The following SLC35H1 variants were observed in gnomAD, a reference collection of about 807,000 sequenced individuals.
The protein encoded by SLC35H1 is solute carrier family 35 member H1.
At chr20:46,363,528 TATG>T in the SLC35H1 span, among the ~76,000 whole-genome samples, 1 of 152,250 alleles carries the variant, frequency 6.6e-6, no homozygotes, top group African/African-American at 2.4e-5. Flanking sequence ...ACCAAAAATC[TATG>T]ATGAAGTCAT....
the SLC35H1 span, chr20:46,350,805 G>T: frequency 1.2e-6 from 2 of 1,614,096 alleles, no homozygotes; most frequent in Non-Finnish European, 1.7e-6. Context: ...GGATATTCCC[G>T]AGAGGCAGAG....
At chr20:46,354,876 A>G in the SLC35H1 span, 15 of 1,591,500 alleles carry the variant, frequency 9.4e-6, no homozygotes, top group African/African-American at 1.3e-5. Flanking sequence ...GGAAGGCCCA[A>G]CGTACCTTCA....
chr20:46,357,475 G>T, the SLC35H1 span: 1 of 950,484 alleles, frequency 1.1e-6, no homozygotes, highest in Non-Finnish European at 1.6e-6. Context: ...CGTGGGTGGT[G>T]GGAGGCCAGG....
chr20:46,347,895 G>A, the SLC35H1 span: 1 of 152,272 alleles, frequency 6.6e-6, no homozygotes, highest in Non-Finnish European at 1.5e-5. Context: ...TGGGAGAGGT[G>A]GTGGGCAGGT....
the SLC35H1 span, chr20:46,362,938 G>C: frequency 6.6e-6 from 1 of 152,264 alleles, no homozygotes; most frequent in South Asian, 2.1e-4. Flanking sequence ...GGCTAATTTT[G>C]TATTTTTAGT....
At chr20:46,346,986 CCTCCT>C in the SLC35H1 span, 1 of 152,336 alleles carries the variant, frequency 6.6e-6, no homozygotes, top group Non-Finnish European at 1.5e-5. Flanking sequence ...AACGCTGGCT[CCTCCT>C]CTCATCTGGG....
chr20:46,356,655 C>T, the SLC35H1 span: 1 of 1,612,342 alleles, frequency 6.2e-7, no homozygotes, highest in Non-Finnish European at 8.5e-7. Flanking sequence ...GACACAGGCA[C>T]CCACAGGACA....
the SLC35H1 span, chr20:46,348,570 CCGCTTCCAAGCGCCCTTGGTGCT>C: frequency 6.6e-6 from 1 of 152,272 alleles, no homozygotes; most frequent in Non-Finnish European, 1.5e-5. Context: ...AGATAAGAGG[CCGCTTCCAAGCGCCCTTGGTGCT>C]CCACCTCCGC....
chr20:46,349,714 G>A, the SLC35H1 span: 2 of 152,500 alleles, frequency 1.3e-5, no homozygotes, highest in Non-Finnish European at 2.9e-5. Flanking sequence ...GTGAAAACAT[G>A]TAAGGTCTCC....
At chr20:46,358,672 C>T in the SLC35H1 span, 1 of 1,551,676 alleles carries the variant, frequency 6.4e-7, no homozygotes, top group Non-Finnish European at 8.7e-7. Context: ...ATCAGCAGAG[C>T]CCCAGGCAGA....
the SLC35H1 span, among the ~76,000 whole-genome samples, chr20:46,360,240 C>T: frequency 7.9e-5 from 12 of 152,138 alleles, no homozygotes; most frequent in East Asian, 1.9e-4. Flanking sequence ...AAGAATAAGA[C>T]GCCTATGTAC....
the SLC35H1 span, chr20:46,350,898 C>T: frequency 6.2e-7 from 1 of 1,613,572 alleles, no homozygotes; most frequent in South Asian, 1.1e-5. Context: ...TTCCTGGGGG[C>T]AGAGAAGCAG....
At chr20:46,352,388 C>G in the SLC35H1 span, 1 of 664,566 alleles carries the variant, frequency 1.5e-6, no homozygotes. Flanking sequence ...AAAGTGATCC[C>G]ACACAGATGG....
the SLC35H1 span, chr20:46,355,211 TGAG>T: frequency 6.2e-6 from 10 of 1,613,844 alleles, no homozygotes; most frequent in Middle Eastern, 1.6e-4. The surrounding 1 kb of genome is among the most constrained non-coding windows in gnomAD (Gnocchi z 4.8). Flanking sequence ...CCCCCGGCGA[TGAG>T]GAGGACCACC....
chr20:46,355,544 C>T, the SLC35H1 span, among the ~76,000 whole-genome samples: 6 of 152,204 alleles, frequency 3.9e-5, no homozygotes, highest in Admixed American at 6.5e-5. The surrounding 1 kb of genome is among the most constrained non-coding windows in gnomAD (Gnocchi z 4.8). Context: ...CCTCCCACAG[C>T]AGGGTGCTTC....
chr20:46,362,764 GTC>G, the SLC35H1 span, among the ~76,000 whole-genome samples: 3 of 152,276 alleles, frequency 2.0e-5, 1 homozygote, highest in South Asian at 6.2e-4. Context: ...CGAAGGCTTA[GTC>G]TCTATTCTTT....
At chr20:46,351,002 T>G in the SLC35H1 span, 1,385,362 of 1,386,784 alleles carry the variant, frequency 1, 691,978 homozygotes, top group Middle Eastern at 1. Flanking sequence ...ATCAAGATCT[T>G]ACTGAAATCC....
the SLC35H1 span, chr20:46,352,556 TGATGGGGATCCTAGCGG>T: frequency 4.1e-6 from 1 of 244,600 alleles, no homozygotes; most frequent in Non-Finnish European, 7.9e-6. Context: ...CCTAGCGGGA[TGATGGGGATCCTAGCGG>T]GATGATGGGA....
chr20:46,353,563 C>G, the SLC35H1 span, among the ~76,000 whole-genome samples: 1 of 152,194 alleles, frequency 6.6e-6, no homozygotes, highest in Non-Finnish European at 1.5e-5. Context: ...GCAAAACAGC[C>G]TCACAGTGTA....
Sources: gnomAD v4.1 joint callset for allele counts (sites outside exome capture counted in the v4.1 genomes callset) on GRCh38, gnomAD v4.1.1 for gene constraint, Gnocchi (gnomAD v3.1) non-coding constraint, MANE v1.5 for transcripts, NCBI Gene and HGNC (gene_info 2026-07-23, HGNC 2026-07-21) for gene names.